Variants in KCNG2 observed in about 807,000 individuals in gnomAD.
KCNG2 encodes the protein voltage-gated potassium channel regulatory subunit KCNG2.
KCNG2 carries 7 observed loss-of-function variants against 12.3 expected under a neutral mutation model. The observed-to-expected ratio is 0.57, with a 90% CI of 0.32 to 1.07. The LOEUF (loss-of-function observed/expected upper bound fraction) is 1.07. KCNG2 is among the 50% of genes least tolerant of loss of function. The pLI is 0.04. For missense variants in KCNG2, 703 were observed against 726.0 expected (o/e 0.97, Z 0.36); for synonymous variants, 414 against 351.4 (o/e 1.18, Z -1.99).
Position 79,888,746 on chromosome 18 carries a change from C to T in KCNG2, c.625-10294C>T, listed in dbSNP as rs534201606. On this transcript the variant is annotated intron_variant, in intron 3 of 3. Coordinates refer to ENST00000316249, the MANE Select transcript of KCNG2 (RefSeq NM_012283.2). Reference sequence around the variant, plus strand: ...CACTCTGTCGCCCAGGTGATCTCAGCTTACTGCAATCTCCACCTCCCAGGT... The same window carrying T: ...CACTCTGTCGCCCAGGTGATCTCAGTTTACTGCAATCTCCACCTCCCAGGT... 2.0e-5 allele frequency among the ~76,000 whole-genome samples: 3 copies of T among 152,196 alleles called. No homozygotes were observed. In the South Asian group the frequency reaches 6.2e-4, roughly 32 times the overall value.
At chr18:79,888,880 TG>T (rs1410788854) in intron 3 of KCNG2, among the ~76,000 whole-genome samples, 1 of 152,108 alleles carries the variant, frequency 6.6e-6, no homozygotes, top group Non-Finnish European at 1.5e-5. Context: ...GTTTTCACCA[TG>T]TTACTCAGGC....
At chr18:79,869,584 G>T (rs575012409) in intron 3 of KCNG2, among the ~76,000 whole-genome samples, 1 of 152,164 alleles carries the variant, frequency 6.6e-6, no homozygotes, top group African/African-American at 2.4e-5. Context: ...GCCTTCTCAC[G>T]TGGGATCGTT....
intron 1 of KCNG2, among the ~76,000 whole-genome samples, chr18:79,832,161 C>T (rs1035802219): frequency 6.6e-6 from 1 of 152,120 alleles, no homozygotes; most frequent in African/African-American, 2.4e-5. Context: ...CCCATGAGAC[C>T]TCAGCTGCCC....
At chr18:79,818,986 G>A (rs11664298) in intron 1 of KCNG2, among the ~76,000 whole-genome samples, 27,419 of 152,240 alleles carry the variant, frequency 0.18, 2,512 homozygotes, top group Middle Eastern at 0.2. Context: ...ACAGTGCCCA[G>A]TTCTGCTGGG....
At chr18:79,851,180 A>AG in intron 1 of KCNG2, among the ~76,000 whole-genome samples, 1 of 152,334 alleles carries the variant, frequency 6.6e-6, no homozygotes, top group Non-Finnish European at 1.5e-5. Flanking sequence ...GACAAAAAAA[A>AG]AGATCATAGG....
chr18:79,812,615 C>G (rs1037312169), intron 1 of KCNG2, among the ~76,000 whole-genome samples: 1 of 152,216 alleles, frequency 6.6e-6, no homozygotes, highest in Admixed American at 6.5e-5. Context: ...AATCCCATCA[C>G]TTTGGGAGGC....
intron 3 of KCNG2, among the ~76,000 whole-genome samples, chr18:79,890,484 G>T (rs1277736507): frequency 6.6e-6 from 1 of 152,094 alleles, no homozygotes; most frequent in Non-Finnish European, 1.5e-5. Flanking sequence ...CCTCCCCACT[G>T]GCAGTCTGCA....
chr18:79,899,672 G>C lies in KCNG2; in HGVS notation c.1257G>C (p.Gln419His). The C allele has an allele frequency of 1.9e-6, 3 of 1,608,012 alleles. No individual in the cohort carries two copies. The highest frequency in any genetic ancestry group is 2.5e-6 in the Non-Finnish European group (3 of 1,178,046). Residue 419 changes from glutamine (Q) to histidine (H), a missense_variant, in exon 4 of 4, where the codon CAG (glutamine) becomes CAC (histidine). Transcript: ENST00000316249. The stretch of plus-strand genomic sequence containing the variant: ...CCTACTCCGAGCTCAAGGAGCAGCA[G>C]CAGCGCGCGGCCAGCCCCGAGCCGG... Reference protein sequence around the residue: ...SRSYSELKEQQQRAASPEPAL... With the variant: ...SRSYSELKEQHQRAASPEPAL...
rs1006056687 is a variant in KCNG2, at chr18:79,894,047, C to T, written c.625-4993C>T. 2.0e-5 allele frequency among the ~76,000 whole-genome samples: 3 copies of T among 147,592 alleles called. No homozygotes were observed. In the South Asian group the frequency reaches 6.5e-4, roughly 32 times the overall value. ...TCACTCCATTCACATCTAATGTTAA[C>T]GATTAATATAGTTGGGTCCATGTCT... On this transcript the variant is annotated intron_variant, in intron 3 of 3. Coordinates refer to ENST00000316249, the MANE Select transcript of KCNG2 (RefSeq NM_012283.2).
chr18:79,829,276 CTGTG>C lies in KCNG2; in HGVS notation c.-114-27095_-114-27092del, dbSNP rs1005075496. On this transcript the variant is annotated intron_variant, in intron 1 of 3. Coordinates refer to ENST00000316249, the MANE Select transcript of KCNG2 (RefSeq NM_012283.2). Reference sequence around the variant, plus strand: ...CGTGTGTGTCTGTGTGTGCATGTGTCTGTGTGTGTGTCTGCATGTATCTGTGTGT... The same window carrying C: ...CGTGTGTGTCTGTGTGTGCATGTGTCTGTGTGTCTGCATGTATCTGTGTGT... 3.3e-5 allele frequency among the ~76,000 whole-genome samples: 5 copies of C among 150,494 alleles called. No individual in the cohort carries two copies. In the South Asian group the frequency reaches 8.5e-4, roughly 25 times the overall value.
chr18:79,828,651 G>A (rs534119661), intron 1 of KCNG2, among the ~76,000 whole-genome samples: 4 of 151,880 alleles, frequency 2.6e-5, no homozygotes, highest in African/African-American at 9.7e-5. Context: ...GTGTATGTCT[G>A]TGTGTGCCTG....
chr18:79,825,901 G>A (rs1362825044), intron 1 of KCNG2, among the ~76,000 whole-genome samples: 1 of 152,228 alleles, frequency 6.6e-6, no homozygotes, highest in East Asian at 1.9e-4. Flanking sequence ...TTCTTTATGC[G>A]TCTGCCCATG....
intron 1 of KCNG2, among the ~76,000 whole-genome samples, chr18:79,801,020 G>A (rs2087405589): frequency 6.6e-6 from 1 of 152,228 alleles, no homozygotes; most frequent in Admixed American, 6.5e-5. Flanking sequence ...TGAACTATCA[G>A]ACAGCCTCCC....
intron 1 of KCNG2, among the ~76,000 whole-genome samples, chr18:79,817,727 G>A (rs2087540876): frequency 6.6e-6 from 1 of 152,222 alleles, no homozygotes; most frequent in African/African-American, 2.4e-5. Context: ...CCCACCTTCA[G>A]CTGCCCCTCG....
At chr18:79,895,623 G>C (rs1980941495) in intron 3 of KCNG2, among the ~76,000 whole-genome samples, 1 of 151,562 alleles carries the variant, frequency 6.6e-6, no homozygotes, top group South Asian at 2.1e-4. Flanking sequence ...GATTGATATA[G>C]TTGAGTCTGT....
intron 2 of KCNG2, among the ~76,000 whole-genome samples, chr18:79,858,006 T>C (rs1979079638): frequency 6.6e-6 from 1 of 152,154 alleles, no homozygotes; most frequent in Non-Finnish European, 1.5e-5. Context: ...TTTTATTTTA[T>C]TTATTTTATT....
intron 1 of KCNG2, among the ~76,000 whole-genome samples, chr18:79,842,711 G>T (rs865817998): frequency 1.3e-5 from 2 of 152,160 alleles, no homozygotes; most frequent in Non-Finnish European, 2.9e-5. Flanking sequence ...GATAAAGCAC[G>T]CATGATTGAA....
chr18:79,826,946 A>C (rs1978286576), intron 1 of KCNG2, among the ~76,000 whole-genome samples: 1 of 152,286 alleles, frequency 6.6e-6, no homozygotes, highest in Non-Finnish European at 1.5e-5. Flanking sequence ...ATAATTATTA[A>C]AATGTAAAAG....
chr18:79,864,203 T>C lies in KCNG2; in HGVS notation c.536T>C (p.Phe179Ser). Residue 179 changes from phenylalanine (F) to serine (S), a missense_variant, in exon 3 of 4, where the codon TTC (phenylalanine) becomes TCC (serine). Physicochemically the swap from Phe to Ser is radical, Grantham distance 155. Transcript: ENST00000316249. ...NPHSGLAGKL[F>S]ACVSVSFVAV... ...CACTCGGGGCTGGCGGGCAAGCTCT[T>C]CGCCTGCGTGTCCGTGTCCTTCGTG... 6.5e-7 allele frequency: 1 copy of C among 1,540,822 alleles called. No homozygotes were observed. Among genetic ancestry groups the C allele is most frequent in the Non-Finnish European group, 8.7e-7 (1 of 1,148,026 alleles).
Sources: gnomAD v4.1 joint callset for allele counts (sites outside exome capture counted in the v4.1 genomes callset) on GRCh38, gnomAD v4.1.1 for gene constraint, MANE v1.5 for transcripts, NCBI Gene and HGNC (gene_info 2026-07-23, HGNC 2026-07-21) for gene names.